EPHA6: variants seen among roughly 807,000 people sequenced by gnomAD.
EPHA6 encodes ephrin type-A receptor 6.
In EPHA6, 50 loss-of-function variants were observed where a neutral mutation model predicts 112.0. The ratio of observed to expected loss-of-function variants is 0.45; its 90% CI spans 0.36 to 0.56. The LOEUF is 0.56. Among genes scored for constraint, EPHA6 ranks in the 20% least tolerant of loss-of-function variants. EPHA6 has a pLI of 0.00. For missense variants in EPHA6, 1,280 were observed against 1,417.4 expected (o/e 0.90, Z 1.56); for synonymous variants, 529 against 490.7 (o/e 1.08, Z -1.03).
chr3:97,347,525 C>T (rs1326680071), intron 5 of EPHA6, among the ~76,000 whole-genome samples: 2 of 151,986 alleles, frequency 1.3e-5, no homozygotes, highest in Non-Finnish European at 2.9e-5. Flanking sequence ...ATCATGTATT[C>T]ACACAGTAAT....
intron 14 of EPHA6, among the ~76,000 whole-genome samples, chr3:97,697,342 T>C (rs942249557): frequency 6.6e-6 from 1 of 152,210 alleles, no homozygotes; most frequent in African/African-American, 2.4e-5. Context: ...TTAGTTTTTC[T>C]CTCCTTGGCC....
intron 1 of EPHA6, among the ~76,000 whole-genome samples, chr3:96,819,581 G>T (rs1367243143): frequency 6.6e-6 from 1 of 151,962 alleles, no homozygotes; most frequent in East Asian, 1.9e-4. Context: ...TTGTACCCTT[G>T]ACTCACCATT....
intron 6 of EPHA6, among the ~76,000 whole-genome samples, chr3:97,421,635 T>C (rs1488740822): frequency 6.6e-6 from 1 of 152,114 alleles, no homozygotes; most frequent in Non-Finnish European, 1.5e-5. Flanking sequence ...GATTTTAAAC[T>C]TGATGAGGAA....
chr3:97,395,392 T>C (rs2086641162), intron 5 of EPHA6, among the ~76,000 whole-genome samples: 1 of 151,820 alleles, frequency 6.6e-6, no homozygotes, highest in African/African-American at 2.4e-5. Flanking sequence ...CAGAAGTATT[T>C]TGAAACATGT....
chr3:97,493,290 C>G (rs889332712), intron 10 of EPHA6, among the ~76,000 whole-genome samples: 1 of 151,516 alleles, frequency 6.6e-6, no homozygotes, highest in Non-Finnish European at 1.5e-5. Flanking sequence ...GTCAGCTTCA[C>G]TGTCATAACA....
At chr3:97,404,637 T>G (rs2087216068) in intron 5 of EPHA6, among the ~76,000 whole-genome samples, 1 of 152,138 alleles carries the variant, frequency 6.6e-6, no homozygotes, top group Non-Finnish European at 1.5e-5. Flanking sequence ...TCACAGAAAC[T>G]ATGCAAAAGA....
At chr3:97,321,779 A>T (rs1436589179) in intron 5 of EPHA6, among the ~76,000 whole-genome samples, 4 of 152,108 alleles carry the variant, frequency 2.6e-5, no homozygotes, top group African/African-American at 7.2e-5. Context: ...AAGAGTCAAC[A>T]AATTATTTGT....
chr3:97,608,645 G>A (rs949694716), intron 12 of EPHA6, among the ~76,000 whole-genome samples: 1 of 151,184 alleles, frequency 6.6e-6, no homozygotes, highest in South Asian at 2.1e-4. Flanking sequence ...GGGGAGAGAC[G>A]GTAAGATTAG....
At chr3:96,924,344 C>T (rs58762576) in intron 2 of EPHA6, among the ~76,000 whole-genome samples, 10,600 of 152,102 alleles carry the variant, frequency 0.07, 729 homozygotes, top group Admixed American at 0.21. Flanking sequence ...TTGTAGTTCT[C>T]CCTGAAGAGG....
chr3:97,578,385 C>T (rs2093407407), intron 11 of EPHA6, among the ~76,000 whole-genome samples: 1 of 152,130 alleles, frequency 6.6e-6, no homozygotes, highest in Non-Finnish European at 1.5e-5. Context: ...CCATTTCCTC[C>T]TTTCAGGGAT....
rs57511405 is a variant in EPHA6, at chr3:97,382,432, A to G, written c.1607-22718A>G. Among the ~76,000 whole-genome samples the G allele has an allele frequency of 8.3e-3, 1,267 of 152,180 alleles. 18 individuals carry two copies. The highest frequency in any genetic ancestry group is 0.029 in the African/African-American group (1,210 of 41,568). On this transcript the variant is annotated intron_variant, in intron 5 of 17. Coordinates refer to ENST00000389672, the MANE Select transcript of EPHA6 (RefSeq NM_001080448.3). ...CTAGTATATGTGATAATTAATAGAAAGGAAGACTTTGAAGTTTTAAATGAA... is the reference window on the plus strand; with the variant it reads ...CTAGTATATGTGATAATTAATAGAAGGGAAGACTTTGAAGTTTTAAATGAA...
chr3:97,373,770 A>G (rs1325740972), intron 5 of EPHA6, among the ~76,000 whole-genome samples: 1 of 152,150 alleles, frequency 6.6e-6, no homozygotes, highest in Admixed American at 6.6e-5. Context: ...GAATTCATAC[A>G]TTGTAGTAAA....
chr3:97,324,404 C>CTT (rs781602577), intron 5 of EPHA6, among the ~76,000 whole-genome samples: 2 of 89,818 alleles, frequency 2.2e-5, no homozygotes, highest in Admixed American at 2.2e-4. Context: ...TGCTTTCCTT[C>CTT]TTTTCTTTCT....
At chr3:97,662,704 C>T (rs1435928336) in intron 14 of EPHA6, among the ~76,000 whole-genome samples, 1 of 152,160 alleles carries the variant, frequency 6.6e-6, no homozygotes, top group African/African-American at 2.4e-5. Flanking sequence ...ATACCCCTAG[C>T]ATCTACTGTT....
At chr3:96,956,697 G>T (rs2107737484) in intron 2 of EPHA6, among the ~76,000 whole-genome samples, 1 of 152,156 alleles carries the variant, frequency 6.6e-6, no homozygotes, top group Middle Eastern at 3.4e-3. Context: ...AGAAAAAGTT[G>T]TCCCAATACA....
At chr3:97,097,380 CT>C (rs955949384) in intron 3 of EPHA6, among the ~76,000 whole-genome samples, 4 of 151,542 alleles carry the variant, frequency 2.6e-5, no homozygotes, top group Non-Finnish European at 5.9e-5. Context: ...TTTATTCTTC[CT>C]TTTTTCAGAG....
intron 4 of EPHA6, among the ~76,000 whole-genome samples, chr3:97,236,386 G>T (rs2078680956): frequency 6.6e-6 from 1 of 151,886 alleles, no homozygotes; most frequent in African/African-American, 2.4e-5. Flanking sequence ...AAATCCCATG[G>T]TCTTAGCACT....
chr3:97,026,716 A>G (rs1157159698), intron 3 of EPHA6, among the ~76,000 whole-genome samples: 2 of 152,222 alleles, frequency 1.3e-5, no homozygotes, highest in Non-Finnish European at 2.9e-5. Flanking sequence ...GAGAAATGCA[A>G]ATCAAAAACT....
At chr3:97,056,391 A>G (rs1170367976) in intron 3 of EPHA6, among the ~76,000 whole-genome samples, 1 of 152,144 alleles carries the variant, frequency 6.6e-6, no homozygotes, top group Non-Finnish European at 1.5e-5. Context: ...TCCTATCTAA[A>G]CATTTTCACA....
Sources: allele counts gnomAD v4.1 joint callset (sites outside exome capture counted in the v4.1 genomes callset), GRCh38; gene constraint gnomAD v4.1.1; transcripts MANE v1.5; gene names NCBI Gene and HGNC (gene_info 2026-07-23, HGNC 2026-07-21).